Variants in BORCS5 observed in about 807,000 individuals in gnomAD.
The protein encoded by BORCS5 is BLOC-1 related complex subunit 5.
BORCS5 carries 17 observed loss-of-function variants against 22.1 expected under a neutral mutation model. The ratio of observed to expected loss-of-function variants is 0.77; its 90% CI spans 0.53 to 1.15. The LOEUF (loss-of-function observed/expected upper bound fraction) is 1.15. BORCS5 is among the 50% of genes most tolerant of loss of function. The pLI is 0.00. For missense variants in BORCS5, 247 were observed against 253.2 expected (o/e 0.98, Z 0.17); for synonymous variants, 117 against 99.8 (o/e 1.17, Z -1.03).
chr12:12,358,938 G>A (rs577758823), intron 1 of BORCS5, among the ~76,000 whole-genome samples: 5 of 152,160 alleles, frequency 3.3e-5, no homozygotes, highest in Non-Finnish European at 5.9e-5. Context: ...CTCCGGAGAC[G>A]AGCTTCTAGG....
intron 2 of BORCS5, among the ~76,000 whole-genome samples, chr12:12,421,860 T>C (rs1174624415): frequency 6.6e-6 from 1 of 152,230 alleles, no homozygotes; most frequent in East Asian, 1.9e-4. Flanking sequence ...TAGTGTTCTC[T>C]GATGATAGTT....
intron 2 of BORCS5, among the ~76,000 whole-genome samples, chr12:12,361,754 CA>C (rs1863291689): frequency 6.6e-6 from 1 of 152,126 alleles, no homozygotes; most frequent in Non-Finnish European, 1.5e-5. Context: ...GAAAGATTTT[CA>C]TTCTTATTTG....
At chr12:12,465,120 C>G (rs1444323504) in intron 3 of BORCS5, among the ~76,000 whole-genome samples, 1 of 152,148 alleles carries the variant, frequency 6.6e-6, no homozygotes, top group Non-Finnish European at 1.5e-5. Context: ...TACACGCACA[C>G]ACCACCACGC....
Position 12,465,482 on chromosome 12 carries a change from A to C in BORCS5, c.361-64A>C. On this transcript the variant is annotated intron_variant, in intron 3 of 3. Coordinates refer to ENST00000314565, the MANE Select transcript of BORCS5 (RefSeq NM_058169.6). Reference sequence around the variant, plus strand: ...GGACTGTGTCCCTCACAGGCTGGACACCCGGCCCTGCGGAGAGGACTTGAT... The same window carrying C: ...GGACTGTGTCCCTCACAGGCTGGACCCCCGGCCCTGCGGAGAGGACTTGAT... 2.1e-6 allele frequency: 3 copies of C among 1,414,422 alleles called. No individual in the cohort carries two copies. The South Asian group carries it at 3.7e-5, about 17-fold the overall frequency. 87.6% of individuals were successfully genotyped at this position (1,414,422 alleles called of 1,614,324 possible). A position where few individuals can be genotyped will look rare whatever the true frequency, so the allele number is the denominator to read the frequency against.
chr12:12,375,922 A>G (rs1434464436), intron 2 of BORCS5, among the ~76,000 whole-genome samples: 1 of 151,894 alleles, frequency 6.6e-6, no homozygotes, highest in East Asian at 2.0e-4. Flanking sequence ...CTCCTGCCTC[A>G]GCCTCCCGAG....
At chr12:12,396,612 C>T (rs1015705102) in intron 2 of BORCS5, among the ~76,000 whole-genome samples, 1 of 151,512 alleles carries the variant, frequency 6.6e-6, no homozygotes, top group African/African-American at 2.4e-5. Flanking sequence ...CTAGAGGGTA[C>T]GCTAAAACTC....
intron 2 of BORCS5, among the ~76,000 whole-genome samples, chr12:12,430,150 A>ATTTTTTTTTT (rs1565905968): frequency 2.0e-4 from 15 of 74,402 alleles, no homozygotes; most frequent in African/African-American, 1.1e-3. Context: ...CCTTAGAGAA[A>ATTTTTTTTTT]ATTTTTTTTT....
chr12:12,414,239 G>T (rs1180536965), intron 2 of BORCS5, among the ~76,000 whole-genome samples: 1 of 74,200 alleles, frequency 1.3e-5, no homozygotes, highest in Non-Finnish European at 2.9e-5. Flanking sequence ...CGGACGGGGC[G>T]GCTGGCCGGG....
intron 2 of BORCS5, among the ~76,000 whole-genome samples, chr12:12,376,914 G>A (rs1166595285): frequency 6.6e-6 from 1 of 152,132 alleles, no homozygotes; most frequent in Non-Finnish European, 1.5e-5. Flanking sequence ...TTCCTCTGTA[G>A]CACCTGCATT....
intron 2 of BORCS5, among the ~76,000 whole-genome samples, chr12:12,409,063 G>A (rs1941655499): frequency 1.3e-5 from 2 of 151,564 alleles, no homozygotes; most frequent in Admixed American, 1.3e-4. Context: ...TCCACCAATA[G>A]TGAGTAAGGG....
chr12:12,418,330 A>T (rs1181061829), intron 2 of BORCS5, among the ~76,000 whole-genome samples: 3 of 151,496 alleles, frequency 2.0e-5, no homozygotes, highest in Admixed American at 6.6e-5. Flanking sequence ...GAGCCACCAC[A>T]CCCGGCCTGA....
chr12:12,388,296 A>G (rs1863926839), intron 2 of BORCS5, among the ~76,000 whole-genome samples: 1 of 151,264 alleles, frequency 6.6e-6, no homozygotes, highest in African/African-American at 2.4e-5. Context: ...AACATATGGT[A>G]GCAGTGACCA....
chr12:12,404,949 C>T (rs544231778), intron 2 of BORCS5, among the ~76,000 whole-genome samples: 1 of 152,334 alleles, frequency 6.6e-6, no homozygotes, highest in African/African-American at 2.4e-5. Context: ...GATCCACCCA[C>T]CTCGGCCTCC....
At chr12:12,412,179 G>T (rs111233446) in intron 2 of BORCS5, among the ~76,000 whole-genome samples, 9 of 152,238 alleles carry the variant, frequency 5.9e-5, no homozygotes, top group African/African-American at 1.7e-4. Context: ...TTTTGATAGG[G>T]ATTGCATTGA....
chr12:12,434,220 T>C (rs1180904067), intron 2 of BORCS5, among the ~76,000 whole-genome samples: 1 of 143,856 alleles, frequency 7.0e-6, no homozygotes, highest in African/African-American at 2.6e-5. Flanking sequence ...GAGGTCGAGG[T>C]TGCAGTGAGC....
chr12:12,438,385 A>ATAACAAC (rs1257519800), intron 3 of BORCS5, among the ~76,000 whole-genome samples: 2 of 126,112 alleles, frequency 1.6e-5, no homozygotes, highest in African/African-American at 6.6e-5. Context: ...AAAAAACGAA[A>ATAACAAC]AACAACAACA....
At chr12:12,389,475 T>A (rs146588389) in intron 2 of BORCS5, among the ~76,000 whole-genome samples, 2 of 151,318 alleles carry the variant, frequency 1.3e-5, no homozygotes, top group African/African-American at 4.9e-5. Flanking sequence ...ACAATTCTAA[T>A]TAGTTTTATA....
chr12:12,425,966 G>A (rs781661196), intron 2 of BORCS5, among the ~76,000 whole-genome samples: 4 of 152,176 alleles, frequency 2.6e-5, no homozygotes, highest in Non-Finnish European at 4.4e-5. Context: ...TCTTTGCTAG[G>A]TGCTGTGGTA....
At chr12:12,439,260 A>G (rs995809652) in intron 3 of BORCS5, among the ~76,000 whole-genome samples, 3 of 152,208 alleles carry the variant, frequency 2.0e-5, no homozygotes, top group African/African-American at 7.2e-5. Flanking sequence ...GGGTATTGGT[A>G]TTTATGAAGG....
Sources: allele counts gnomAD v4.1 joint callset (sites outside exome capture counted in the v4.1 genomes callset), GRCh38; gene constraint gnomAD v4.1.1; transcripts MANE v1.5; gene names NCBI Gene and HGNC (gene_info 2026-07-23, HGNC 2026-07-21).